FNIP1: variants seen among roughly 807,000 people sequenced by gnomAD.
The protein encoded by FNIP1 is folliculin interacting protein 1.
In FNIP1, 40 loss-of-function variants were observed where a neutral mutation model predicts 124.5. That is an observed-to-expected ratio of 0.32 (90% CI 0.25 to 0.42). The LOEUF is 0.42. FNIP1 is among the 10% of genes least tolerant of loss of function. FNIP1 has a pLI of 1.00. For synonymous variants in FNIP1, 472 were observed against 470.6 expected (o/e 1.00, Z -0.04); for missense variants, 1,176 against 1,403.7 (o/e 0.84, Z 2.59).
Position 131,786,692 on chromosome 5 carries a change from A to C in FNIP1, c.92+10138T>G, listed in dbSNP as rs530124214. 1.4e-4 allele frequency among the ~76,000 whole-genome samples: 21 copies of C among 152,292 alleles called. 1 individual carries two copies. Among genetic ancestry groups the C allele is most frequent in the Middle Eastern group, 6.8e-3 (2 of 294 alleles). On this transcript the variant is annotated intron_variant, in intron 1 of 17. Transcript: ENST00000510461. Reference sequence around the variant, plus strand: ...AGGGCTCTGCCCTCATGAATGAATTAAGGTCATTATCTCGAGAGTGGGTTT... The same window carrying C: ...AGGGCTCTGCCCTCATGAATGAATTCAGGTCATTATCTCGAGAGTGGGTTT...
intron 1 of FNIP1, among the ~76,000 whole-genome samples, chr5:131,776,293 G>A (rs1245293270): frequency 6.6e-6 from 1 of 152,154 alleles, no homozygotes; most frequent in Non-Finnish European, 1.5e-5. Context: ...CATGTGCAAT[G>A]TGTATTACAC....
chr5:131,743,596 A>G (rs1770579832), intron 2 of FNIP1, among the ~76,000 whole-genome samples: 1 of 152,098 alleles, frequency 6.6e-6, no homozygotes, highest in Admixed American at 6.6e-5. Flanking sequence ...CTCAAAATTT[A>G]TATGTCGTCC....
chr5:131,711,759 G>C (rs1769297873), intron 6 of FNIP1, among the ~76,000 whole-genome samples: 2 of 152,192 alleles, frequency 1.3e-5, no homozygotes, highest in Admixed American at 1.3e-4. Flanking sequence ...GCCTCCTAAA[G>C]TGTTGAAATT....
chr5:131,740,983 T>TA (rs138023189), intron 2 of FNIP1, among the ~76,000 whole-genome samples: 4,557 of 152,224 alleles, frequency 0.03, 229 homozygotes, highest in African/African-American at 0.1. Context: ...GTATATGGTG[T>TA]AAAAAATGGG....
intron 1 of FNIP1, among the ~76,000 whole-genome samples, chr5:131,792,288 G>C (rs1046864306): frequency 6.6e-6 from 1 of 151,764 alleles, no homozygotes; most frequent in African/African-American, 2.4e-5. Context: ...AGCCTCCTGA[G>C]TAGCTGGGAT....
intron 1 of FNIP1, among the ~76,000 whole-genome samples, chr5:131,773,026 G>C (rs1436612593): frequency 2.0e-5 from 3 of 152,036 alleles, no homozygotes; most frequent in African/African-American, 7.3e-5. Context: ...TGTGTATCTT[G>C]ACTCTCAATA....
chr5:131,672,411 A>G lies in FNIP1; in HGVS notation c.2033T>C (p.Leu678Ser), dbSNP rs2149515142. The G allele has an allele frequency of 6.2e-7, 1 of 1,614,050 alleles. No individual in the cohort carries two copies. Among genetic ancestry groups the G allele is most frequent in the East Asian group, 2.2e-5 (1 of 44,890 alleles). Reference sequence around the variant, plus strand: ...AGATCCTGTGCAAACAACTGTCTCTAACTTGGCGTCAAAGCAAGTTCTTAA... The same window carrying G: ...AGATCCTGTGCAAACAACTGTCTCTGACTTGGCGTCAAAGCAAGTTCTTAA... ...DKLRTCFDAK[L>S]ETVVCTGSVP... Residue 678 changes from leucine (L) to serine (S), a missense_variant, in exon 14 of 18, where the codon TTA (leucine) becomes TCA (serine). Leu to Ser is a moderately radical substitution (Grantham distance 145, BLOSUM62 -2). Around this residue, in one of 2 missense-constraint regions of FNIP1, gnomAD observed 1,109 missense variants for 1,288.5 expected, o/e 0.86. Coordinates refer to ENST00000510461, the MANE Select transcript of FNIP1 (RefSeq NM_133372.3).
chr5:131,712,549 T>C (rs765118992), intron 6 of FNIP1, among the ~76,000 whole-genome samples: 3 of 152,210 alleles, frequency 2.0e-5, no homozygotes, highest in Non-Finnish European at 4.4e-5. Flanking sequence ...AGAATTTAGC[T>C]GTATCCTCAT....
At chr5:131,666,504 A>G (rs559160760) in intron 15 of FNIP1, among the ~76,000 whole-genome samples, 17 of 152,294 alleles carry the variant, frequency 1.1e-4, no homozygotes, top group Non-Finnish European at 1.6e-4. Context: ...TGCTATTTGT[A>G]TTACTCTTTG....
chr5:131,738,041 C>A (rs1024821088), intron 2 of FNIP1, among the ~76,000 whole-genome samples: 4 of 152,108 alleles, frequency 2.6e-5, no homozygotes, highest in African/African-American at 9.7e-5. Flanking sequence ...AAGGAAAGAC[C>A]TGAAATCTCA....
rs767289962 is a variant in FNIP1, at chr5:131,651,906, C to T, written c.3202G>A (p.Val1068Met). Residue 1068 changes from valine to methionine, a missense_variant, in exon 16 of 18, where the codon GTG (valine) becomes ATG (methionine). This residue lies in a region of FNIP1 where 1,109 missense variants were observed against 1,288.5 expected (regional missense o/e 0.86). Coordinates refer to ENST00000510461, the MANE Select transcript of FNIP1 (RefSeq NM_133372.3). Reference protein sequence around the residue: ...TVQVASSQRRVTDNKLGKEVL... With the variant: ...TVQVASSQRRMTDNKLGKEVL... Reference sequence around the variant, plus strand: ...TCCTTTCCCAATTTATTATCTGTCACTCGTCTCTGGCTACTGGCCACTTGA... The same window carrying T: ...TCCTTTCCCAATTTATTATCTGTCATTCGTCTCTGGCTACTGGCCACTTGA... 6.8e-6 allele frequency: 11 copies of T among 1,614,152 alleles called. No individual in the cohort carries two copies. In the Admixed American group the frequency reaches 1.3e-4, roughly 20 times the overall value.
At chr5:131,724,165 AAC>A (rs753542407) in intron 3 of FNIP1, among the ~76,000 whole-genome samples, 7 of 152,194 alleles carry the variant, frequency 4.6e-5, no homozygotes, top group African/African-American at 9.7e-5. Flanking sequence ...TGCTGCAATA[AAC>A]ATATGTATCC....
chr5:131,672,437 T>C lies in FNIP1; in HGVS notation c.2007A>G (p.Lys669=), dbSNP rs2149515163. ...NAVDVKQYRD[K]LRTCFDAKLE... is the part of the protein sequence containing the mutation. Reference sequence around the variant, plus strand: ...ACTTGGCGTCAAAGCAAGTTCTTAATTTATCTCTGTACTGTTTAACATCAA... The same window carrying C: ...ACTTGGCGTCAAAGCAAGTTCTTAACTTATCTCTGTACTGTTTAACATCAA... The change falls in exon 14 of 18, where the codon AAA becomes AAG. Residue 669 remains lysine (K), a synonymous_variant. Coordinates refer to ENST00000510461, the MANE Select transcript of FNIP1 (RefSeq NM_133372.3). 3.1e-6 allele frequency: 5 copies of C among 1,613,732 alleles called. No individual in the cohort carries two copies. The East Asian group carries it at 6.7e-5, about 22-fold the overall frequency.
At chr5:131,788,625 C>G (rs1195351143) in intron 1 of FNIP1, among the ~76,000 whole-genome samples, 1 of 148,946 alleles carries the variant, frequency 6.7e-6, no homozygotes, top group African/African-American at 2.5e-5. Flanking sequence ...TGCTTGAACC[C>G]GGGAGGCAGA....
intron 11 of FNIP1, among the ~76,000 whole-genome samples, chr5:131,691,918 G>C (rs540488983): frequency 6.6e-6 from 1 of 152,294 alleles, no homozygotes; most frequent in East Asian, 1.9e-4. Context: ...CTTATGGTGA[G>C]AGACTGGATG....
rs756738150 is a variant in FNIP1, at chr5:131,672,028, C to G, written c.2416G>C (p.Gly806Arg). 1.2e-6 allele frequency: 2 copies of G among 1,614,048 alleles called. No homozygotes were observed. Among genetic ancestry groups the G allele is most frequent in the Non-Finnish European group, 1.7e-6 (2 of 1,180,032 alleles). The change falls in exon 14 of 18, where the codon GGA becomes CGA. Residue 806 changes from glycine (G) to arginine (R), a missense_variant. Gly to Arg is a moderately radical substitution (Grantham distance 125, BLOSUM62 -2). Coordinates refer to ENST00000510461, the MANE Select transcript of FNIP1 (RefSeq NM_133372.3). ...ACCATGTTCTGTGTATCAGACTCTCCAGATTGGTCCTTGGTTGTTTGTTTA... is the reference window on the plus strand; with the variant it reads ...ACCATGTTCTGTGTATCAGACTCTCGAGATTGGTCCTTGGTTGTTTGTTTA... ...ETKQTTKDQS[G>R]ESDTQNMVSE...
intron 1 of FNIP1, among the ~76,000 whole-genome samples, chr5:131,781,996 C>T (rs1037459342): frequency 6.6e-6 from 1 of 151,828 alleles, no homozygotes; most frequent in African/African-American, 2.4e-5. Flanking sequence ...TTATGTAAAA[C>T]CAAAAAAATT....
In FNIP1 at chr5:131,703,673, T is replaced by C. The variant is rs77911714; in HGVS notation, c.1116+392A>G. Reference sequence around the variant, plus strand: ...GGCATTCCTGACTAGCCTATAAAAATTAGTAATCCTTCCTTGCAGGATCCC... The same window carrying C: ...GGCATTCCTGACTAGCCTATAAAAACTAGTAATCCTTCCTTGCAGGATCCC... On this transcript the variant is annotated intron_variant, in intron 10 of 17. Transcript: ENST00000510461. Among the ~76,000 whole-genome samples, 1,007 of 152,336 alleles carry C rather than the reference T, an allele frequency of 6.6e-3. 43 individuals are homozygous for C. The highest frequency in any genetic ancestry group is 0.056 in the East Asian group (291 of 5,178).
chr5:131,758,325 T>C (rs1205088104), intron 1 of FNIP1, among the ~76,000 whole-genome samples: 5 of 152,218 alleles, frequency 3.3e-5, no homozygotes. Context: ...GTAGCCCTAC[T>C]CTGTCTTCAC....
Sources: allele counts gnomAD v4.1 joint callset (sites outside exome capture counted in the v4.1 genomes callset), GRCh38; gene constraint gnomAD v4.1.1; regional missense constraint gnomAD v4.1.1; transcripts MANE v1.5; gene names NCBI Gene and HGNC (gene_info 2026-07-23, HGNC 2026-07-21).